AKAP6: variants seen among roughly 807,000 people sequenced by gnomAD.
AKAP6 encodes the protein A-kinase anchoring protein 6.
Under a neutral mutation model 188.5 loss-of-function variants are expected in AKAP6, and 58 were observed. The observed-to-expected ratio is 0.31, with a 90% CI of 0.25 to 0.38. AKAP6 has a LOEUF of 0.38. AKAP6 is among the 10% of genes least tolerant of loss of function. The pLI is 1.00. For missense variants in AKAP6, 2,710 were observed against 2,740.0 expected (o/e 0.99, Z 0.24); for synonymous variants, 989 against 998.6 (o/e 0.99, Z 0.18).
intron 2 of AKAP6, among the ~76,000 whole-genome samples, chr14:32,442,033 T>G (rs2138739265): frequency 6.6e-6 from 1 of 152,322 alleles, no homozygotes; most frequent in East Asian, 1.9e-4. Flanking sequence ...TTAGATATTT[T>G]TAGGGGCATC....
At chr14:32,705,607 T>C (rs908507177) in intron 9 of AKAP6, among the ~76,000 whole-genome samples, 1 of 152,140 alleles carries the variant, frequency 6.6e-6, no homozygotes. Context: ...TTATTTTCCT[T>C]AATTCATAGA....
intron 4 of AKAP6, among the ~76,000 whole-genome samples, chr14:32,559,408 C>T (rs1479338328): frequency 6.6e-6 from 1 of 152,202 alleles, no homozygotes; most frequent in East Asian, 1.9e-4. Flanking sequence ...TTTTATGTGA[C>T]ATCTCCCAAT....
chr14:32,756,471 A>G (rs12890485), intron 11 of AKAP6, among the ~76,000 whole-genome samples: 10,534 of 151,964 alleles, frequency 0.069, 745 homozygotes, highest in East Asian at 0.38. Flanking sequence ...ATTAGGGCAC[A>G]CTGGAGCCTA....
At chr14:32,565,290 AT>A (rs1463996462) in intron 4 of AKAP6, among the ~76,000 whole-genome samples, 1 of 152,152 alleles carries the variant, frequency 6.6e-6, no homozygotes, top group African/African-American at 2.4e-5. Flanking sequence ...CTGCAAAACT[AT>A]TTTTGTAATG....
chr14:32,827,632 G>A (rs28382328), intron 13 of AKAP6, among the ~76,000 whole-genome samples: 12,267 of 152,018 alleles, frequency 0.081, 550 homozygotes, highest in South Asian at 0.15. Context: ...AAAAATAGAG[G>A]GGTCAGTTAC....
chr14:32,522,141 G>C lies in AKAP6; in HGVS notation c.325-13413G>C, dbSNP rs970664618. ...TGGGAAAACTGGCTAGCTATATGTAGAAATCTGAAACTGGATCCTTCCTTA... is the reference window on the plus strand; with the variant it reads ...TGGGAAAACTGGCTAGCTATATGTACAAATCTGAAACTGGATCCTTCCTTA... On this transcript the variant is annotated intron_variant, in intron 2 of 13. Coordinates refer to ENST00000280979, the MANE Select transcript of AKAP6 (RefSeq NM_004274.5). Among the ~76,000 whole-genome samples the C allele has an allele frequency of 2.6e-5, 4 of 152,166 alleles. No homozygotes were observed. The East Asian group carries it at 7.7e-4, about 29-fold the overall frequency.
chr14:32,800,312 G>A (rs1356060626), intron 12 of AKAP6, among the ~76,000 whole-genome samples: 1 of 151,350 alleles, frequency 6.6e-6, no homozygotes, highest in Admixed American at 6.6e-5. Context: ...TGAGGTGGGA[G>A]GATTGCTCAA....
At chr14:32,681,538 A>C (rs1889677278) in intron 8 of AKAP6, among the ~76,000 whole-genome samples, 1 of 152,220 alleles carries the variant, frequency 6.6e-6, no homozygotes, top group South Asian at 2.1e-4. Context: ...ACTGTATGAA[A>C]TTTGAACTAA....
chr14:32,342,822 T>G (rs1886932996), intron 1 of AKAP6, among the ~76,000 whole-genome samples: 1 of 152,192 alleles, frequency 6.6e-6, no homozygotes, highest in Admixed American at 6.5e-5. Context: ...ATTCTCCAAA[T>G]TGATATGTAA....
At chr14:32,504,496 T>C (rs980966353) in intron 2 of AKAP6, among the ~76,000 whole-genome samples, 3 of 152,060 alleles carry the variant, frequency 2.0e-5, no homozygotes, top group Non-Finnish European at 4.4e-5. Context: ...GCCAGGCTGG[T>C]CTCGAACTCC....
At chr14:32,774,192 C>A (rs1260061227) in intron 12 of AKAP6, among the ~76,000 whole-genome samples, 1 of 152,182 alleles carries the variant, frequency 6.6e-6, no homozygotes. Flanking sequence ...CTTAACCTTA[C>A]CAACCTAAGC....
At chr14:32,371,716 G>A (rs1179765398) in intron 1 of AKAP6, among the ~76,000 whole-genome samples, 1 of 152,158 alleles carries the variant, frequency 6.6e-6, no homozygotes, top group Non-Finnish European at 1.5e-5. Flanking sequence ...ATTAACTGTT[G>A]TTTTTTGAAG....
chr14:32,813,393 C>CCCG (rs1555365139), intron 12 of AKAP6, among the ~76,000 whole-genome samples: 1 of 114,648 alleles, frequency 8.7e-6, no homozygotes, highest in East Asian at 3.5e-4. Context: ...AACCCTACCC[C>CCCG]CCCCCCCAAC....
chr14:32,473,304 C>A (rs1278297102), intron 2 of AKAP6, among the ~76,000 whole-genome samples: 1 of 152,190 alleles, frequency 6.6e-6, no homozygotes, highest in Non-Finnish European at 1.5e-5. Context: ...CCTACTACTT[C>A]AGAGGCTGCC....
Position 32,821,386 on chromosome 14 carries a change from T to C in AKAP6, c.3589-16T>C. On this transcript the variant is annotated splice_polypyrimidine_tract_variant and intron_variant, in intron 12 of 13. Transcript: ENST00000280979. ...TCCCTAATTCTTCTCCTTTTCTTTTTCTTTCTCTCACACAGGAGACTTTGA... is the reference window on the plus strand; with the variant it reads ...TCCCTAATTCTTCTCCTTTTCTTTTCCTTTCTCTCACACAGGAGACTTTGA... 6.4e-7 allele frequency: 1 copy of C among 1,553,194 alleles called. No homozygotes were observed. Among genetic ancestry groups the C allele is most frequent in the Non-Finnish European group, 8.7e-7 (1 of 1,152,354 alleles).
chr14:32,669,234 C>T (rs1266283491), intron 7 of AKAP6, among the ~76,000 whole-genome samples: 1 of 152,190 alleles, frequency 6.6e-6, no homozygotes, highest in African/African-American at 2.4e-5. Context: ...ATCAACTTTA[C>T]TCCAAATAAA....
Position 32,546,746 on chromosome 14 carries a change from C to T in AKAP6, c.2093C>T (p.Pro698Leu). The change falls in exon 4 of 14, where the codon CCA becomes CTA. Residue 698 changes from proline (P) to leucine (L), a missense_variant. Coordinates refer to ENST00000280979, the MANE Select transcript of AKAP6 (RefSeq NM_004274.5). The part of the protein sequence containing the change: ...KKHTRLGRVS[P>L]SSSSDIASSL... ...CATACAAGGCTAGGCAGGGTGTCTC[C>T]AAGCTCATCTAGTGACATAGCCTCT... The T allele has an allele frequency of 6.2e-7, 1 of 1,614,094 alleles. No individual in the cohort carries two copies. Among genetic ancestry groups the T allele is most frequent in the South Asian group, 1.1e-5 (1 of 91,074 alleles).
At chr14:32,646,633 C>T (rs987532645) in intron 7 of AKAP6, among the ~76,000 whole-genome samples, 1 of 152,078 alleles carries the variant, frequency 6.6e-6, no homozygotes. Context: ...TTTAGCATGC[C>T]TAGCAGGTGA....
At chr14:32,559,553 T>A (rs1883840617) in intron 4 of AKAP6, among the ~76,000 whole-genome samples, 1 of 152,158 alleles carries the variant, frequency 6.6e-6, no homozygotes, top group Non-Finnish European at 1.5e-5. Flanking sequence ...GCCCAGAGAG[T>A]TGGTAGTTTA....
Sources: gnomAD v4.1 joint callset for allele counts (sites outside exome capture counted in the v4.1 genomes callset) on GRCh38, gnomAD v4.1.1 for gene constraint, MANE v1.5 for transcripts, NCBI Gene and HGNC (gene_info 2026-07-23, HGNC 2026-07-21) for gene names.